Variants in NAALADL2 observed in about 807,000 individuals in gnomAD.
The protein encoded by NAALADL2 is inactive N-acetylated-alpha-linked acidic dipeptidase-like protein 2.
A neutral mutation model predicts 87.2 loss-of-function variants in NAALADL2; 76 were observed. That is an observed-to-expected ratio of 0.87 (90% CI 0.72 to 1.05). The LOEUF (loss-of-function observed/expected upper bound fraction) is 1.05, where lower values mean the gene tolerates loss of function less well. Among genes scored for constraint, NAALADL2 ranks in the 50% least tolerant of loss-of-function variants. The pLI, the probability that NAALADL2 is intolerant of heterozygous loss-of-function variation, is 0.00. For missense variants in NAALADL2, 1,089 were observed against 945.8 expected (o/e 1.15, Z -1.99); for synonymous variants, 354 against 331.0 (o/e 1.07, Z -0.75).
chr3:175,343,821 G>C (rs532510723), intron 5 of NAALADL2, among the ~76,000 whole-genome samples: 12 of 151,950 alleles, frequency 7.9e-5, no homozygotes, highest in Non-Finnish European at 1.8e-4. Flanking sequence ...GAGGGCAGTA[G>C]AAAGGCAAAA....
At chr3:175,160,390 A>ATTTTTTTT (rs1733002644) in intron 2 of NAALADL2, among the ~76,000 whole-genome samples, 1 of 17,274 alleles carries the variant, frequency 5.8e-5, no homozygotes, top group Non-Finnish European at 1.4e-4. Flanking sequence ...TTTTTTTTTG[A>ATTTTTTTT]GTTAGAGGTT....
At chr3:174,743,579 A>C (rs1733963093) in intron 3 of NAALADL2, among the ~76,000 whole-genome samples, 1 of 151,866 alleles carries the variant, frequency 6.6e-6, no homozygotes, top group African/African-American at 2.4e-5. Context: ...TCTTTTCTAG[A>C]TTCCATTATT....
At chr3:174,494,136 C>CT in intron 1 of NAALADL2, among the ~76,000 whole-genome samples, 1 of 152,006 alleles carries the variant, frequency 6.6e-6, no homozygotes, top group Non-Finnish European at 1.5e-5. Context: ...CTTGGGGAAA[C>CT]TTTAAGACTT....
At chr3:174,467,756 G>A (rs1364128867) in intron 1 of NAALADL2, among the ~76,000 whole-genome samples, 1 of 151,872 alleles carries the variant, frequency 6.6e-6, no homozygotes, top group Non-Finnish European at 1.5e-5. Flanking sequence ...ATTCTTATGT[G>A]AAAAAAGCAA....
At chr3:175,730,465 C>T (rs1175960849) in intron 11 of NAALADL2, among the ~76,000 whole-genome samples, 1 of 138,120 alleles carries the variant, frequency 7.2e-6, no homozygotes, top group Non-Finnish European at 1.6e-5. Context: ...CACGCACACA[C>T]ACACGTGTGT....
At chr3:175,362,166 C>T (rs934920530) in intron 5 of NAALADL2, among the ~76,000 whole-genome samples, 2 of 148,022 alleles carry the variant, frequency 1.4e-5, no homozygotes, top group South Asian at 4.4e-4. Flanking sequence ...TGTCAAAGAT[C>T]AGATGGTTGT....
chr3:175,646,105 C>A (rs1931157), intron 11 of NAALADL2, among the ~76,000 whole-genome samples: 6,831 of 152,030 alleles, frequency 0.045, 187 homozygotes, highest in South Asian at 0.11. Flanking sequence ...GAAATATAAA[C>A]CATTTAAGTC....
At chr3:175,254,147 G>C (rs990801065) in intron 3 of NAALADL2, among the ~76,000 whole-genome samples, 1 of 152,106 alleles carries the variant, frequency 6.6e-6, no homozygotes, top group Non-Finnish European at 1.5e-5. Flanking sequence ...GAGAGATACA[G>C]AGAAATATTT....
At chr3:175,102,032 CT>C (rs577447131) in intron 2 of NAALADL2, among the ~76,000 whole-genome samples, 121 of 152,234 alleles carry the variant, frequency 7.9e-4, no homozygotes, top group African/African-American at 2.8e-3. Context: ...ATGTATATTT[CT>C]TTAACACCTG....
intron 1 of NAALADL2, among the ~76,000 whole-genome samples, chr3:174,897,668 A>G (rs1281667300): frequency 2.6e-5 from 4 of 152,176 alleles, no homozygotes; most frequent in Non-Finnish European, 5.9e-5. Context: ...ACTGCTGGGT[A>G]TATACCCAAA....
chr3:174,912,308 A>AT (rs879309442), intron 1 of NAALADL2, among the ~76,000 whole-genome samples: 39 of 148,766 alleles, frequency 2.6e-4, no homozygotes, highest in African/African-American at 4.5e-4. Context: ...CATGTTTTAA[A>AT]TTTTTTTTTT....
Position 174,866,928 on chromosome 3 carries a change from G to A in NAALADL2, c.43+7478G>A, listed in dbSNP as rs1727216894. On this transcript the variant is annotated intron_variant, in intron 1 of 13. Transcript: ENST00000454872. Reference sequence around the variant, plus strand: ...AATTAGACCTATAAAAATTTCTTTGGGGCATCTTTTTTTCTTTTCTAGATT... The same window carrying A: ...AATTAGACCTATAAAAATTTCTTTGAGGCATCTTTTTTTCTTTTCTAGATT... Among the ~76,000 whole-genome samples the A allele has an allele frequency of 2.0e-5, 3 of 150,966 alleles. No homozygotes were observed. In the South Asian group the frequency reaches 6.3e-4, roughly 32 times the overall value.
At chr3:175,012,499 T>C (rs1054241880) in intron 1 of NAALADL2, among the ~76,000 whole-genome samples, 1 of 152,166 alleles carries the variant, frequency 6.6e-6, no homozygotes, top group Non-Finnish European at 1.5e-5. Context: ...AAATGTTTAC[T>C]CCTGAATTGT....
chr3:175,156,801 G>A (rs1580725738), intron 2 of NAALADL2, among the ~76,000 whole-genome samples: 1 of 152,090 alleles, frequency 6.6e-6, no homozygotes. Flanking sequence ...GAAAAGTGGG[G>A]AAGAGGTACC....
At chr3:175,534,045 A>T (rs1028322262) in intron 9 of NAALADL2, among the ~76,000 whole-genome samples, 1 of 150,058 alleles carries the variant, frequency 6.7e-6, no homozygotes, top group Non-Finnish European at 1.5e-5. Flanking sequence ...ATTATAAATA[A>T]ATTATTTATT....
chr3:174,886,670 C>A (rs75897528), intron 1 of NAALADL2, among the ~76,000 whole-genome samples: 2,690 of 152,258 alleles, frequency 0.018, 76 homozygotes, highest in African/African-American at 0.061. Context: ...AATACAAATA[C>A]ACTTTTCAAA....
chr3:175,423,521 G>T (rs951558143), intron 5 of NAALADL2, among the ~76,000 whole-genome samples: 1 of 150,696 alleles, frequency 6.6e-6, no homozygotes, highest in Non-Finnish European at 1.5e-5. Context: ...GCGGTATTTG[G>T]TTTTTTGTCC....
intron 5 of NAALADL2, among the ~76,000 whole-genome samples, chr3:175,429,878 A>G (rs1404955587): frequency 1.3e-5 from 2 of 151,976 alleles, no homozygotes; most frequent in Admixed American, 6.6e-5. Flanking sequence ...ATTTAAGTAA[A>G]AGAAAGTATA....
intron 5 of NAALADL2, among the ~76,000 whole-genome samples, chr3:175,446,047 G>A (rs1229728385): frequency 6.6e-6 from 1 of 152,112 alleles, no homozygotes; most frequent in Non-Finnish European, 1.5e-5. Flanking sequence ...TTTATTGACT[G>A]ATGAATTTCA....
Sources: gnomAD v4.1 joint callset for allele counts (sites outside exome capture counted in the v4.1 genomes callset) on GRCh38, gnomAD v4.1.1 for gene constraint, MANE v1.5 for transcripts, NCBI Gene and HGNC (gene_info 2026-07-23, HGNC 2026-07-21) for gene names.